RGPD3: variants seen among roughly 807,000 people sequenced by gnomAD.
The protein encoded by RGPD3 is RANBP2 like and GRIP domain containing 3.
A neutral mutation model predicts 154.5 loss-of-function variants in RGPD3; 62 were observed. The ratio of observed to expected loss-of-function variants is 0.40; its 90% CI spans 0.33 to 0.50. The LOEUF is 0.50. Ranked by LOEUF, RGPD3 falls within the 20% of genes least tolerant of loss-of-function variation. The pLI is 0.59. For synonymous variants in RGPD3, 308 were observed against 607.0 expected (o/e 0.51, Z 7.24); for missense variants, 919 against 1,716.8 (o/e 0.54, Z 8.21).
intron 1 of RGPD3, among the ~76,000 whole-genome samples, chr2:106,464,048 A>C (rs1405037124): frequency 1.8e-4 from 28 of 152,238 alleles, no homozygotes; most frequent in African/African-American, 6.3e-4. Context: ...TAGCCAGTAC[A>C]GAATGTCTAA....
chr2:106,409,867 TTTAC>T (rs1006756096), intron 22 of RGPD3, among the ~76,000 whole-genome samples: 6 of 138,656 alleles, frequency 4.3e-5, no homozygotes, highest in Admixed American at 7.4e-5. Context: ...TATCTTGTAG[TTTAC>T]TTTTTTTTTT....
intron 1 of RGPD3, among the ~76,000 whole-genome samples, chr2:106,462,576 T>C (rs1678434616): frequency 6.6e-6 from 1 of 152,044 alleles, no homozygotes; most frequent in Non-Finnish European, 1.5e-5. Flanking sequence ...AGTAAGACCC[T>C]AAGAGATGCC....
At chr2:106,454,899 C>T (rs1357392007) in intron 4 of RGPD3, among the ~76,000 whole-genome samples, 2 of 152,378 alleles carry the variant, frequency 1.3e-5, no homozygotes, top group Non-Finnish European at 2.9e-5. Flanking sequence ...TAATATTTAT[C>T]TTTGGAAGCA....
intron 7 of RGPD3, among the ~76,000 whole-genome samples, chr2:106,441,639 G>C (rs1336675320): frequency 6.6e-6 from 1 of 150,672 alleles, no homozygotes; most frequent in Non-Finnish European, 1.5e-5. Context: ...CTGATCACTT[G>C]AGGTCAGGAG....
At chr2:106,468,464 C>G (rs1678720777), upstream of RGPD3, 8 of 1,288,188 alleles carry the variant, frequency 6.2e-6, no homozygotes, top group Non-Finnish European at 8.4e-6. Flanking sequence ...GCGACTTCGG[C>G]GCTCGAGCTG....
In RGPD3 at chr2:106,415,885, C is replaced by G. The variant is rs1676813688; in HGVS notation, c.5029G>C (p.Glu1677Gln). 3.7e-6 allele frequency: 6 copies of G among 1,611,922 alleles called. No individual in the cohort carries two copies. In the East Asian group the frequency reaches 6.7e-5, roughly 18 times the overall value. ...TCCATAAGGACTGCATTGGTTGCCT[C>G]TATTTCCCGAAGCAGGCCGTTTAAG... ...DHLNGLLREI[E>Q]ATNAVLMEQI... Residue 1677 changes from glutamate to glutamine, a missense_variant, in exon 21 of 23, where the codon GAG becomes CAG. Transcript: ENST00000409886.
chr2:106,404,000 G>C lies in RGPD3; in HGVS notation c.*1219C>G, dbSNP rs1676438142. Among the ~76,000 whole-genome samples, 1 of 152,204 alleles carries C rather than the reference G, an allele frequency of 6.6e-6. No individual in the cohort carries two copies. ...TTTTGATTTAAGAACAACACAGTTT[G>C]GATCTAGTCATTAAAACATATGCAG... On this transcript the variant is annotated 3_prime_UTR_variant, in exon 23 of 23. Coordinates refer to ENST00000409886, the MANE Select transcript of RGPD3 (RefSeq NM_001144013.2).
chr2:106,440,438 T>A (rs893506908), intron 8 of RGPD3, among the ~76,000 whole-genome samples: 16 of 151,610 alleles, frequency 1.1e-4, no homozygotes, highest in Non-Finnish European at 2.2e-4. Context: ...TACAGGCAAT[T>A]TTTATCTAAC....
intron 6 of RGPD3, among the ~76,000 whole-genome samples, chr2:106,449,424 CTG>C (rs1161402350): frequency 1.6e-5 from 2 of 127,944 alleles, no homozygotes; most frequent in African/African-American, 6.1e-5. Context: ...CGAGATCACA[CTG>C]TTGCACTCTA....
In RGPD3 at chr2:106,415,961, A is replaced by G. The variant is rs9653483; in HGVS notation, c.4953T>C (p.Thr1651=). ...KEPPLWYAEF[T]KEELVQKLSS... ...TGAGCTTCTGAACCAATTCTTCTTT[A>G]GTAAATTCAGCATACCATAATGGAG... The change falls in exon 21 of 23, where the codon ACT becomes ACC. Residue 1651 remains threonine, a synonymous_variant. Transcript: ENST00000409886. 344,976 of 1,554,344 alleles carry G rather than the reference A, an allele frequency of 0.22. 46,743 individuals are homozygous for G. The highest frequency in any genetic ancestry group is 0.58 in the East Asian group (25,753 of 44,292).
intron 6 of RGPD3, among the ~76,000 whole-genome samples, chr2:106,448,036 A>G (rs1164406717): frequency 6.6e-6 from 1 of 151,064 alleles, no homozygotes; most frequent in Non-Finnish European, 1.5e-5. Flanking sequence ...TAAATAATTG[A>G]CAGGTATTTG....
intron 20 of RGPD3, among the ~76,000 whole-genome samples, chr2:106,420,753 A>T (rs1448066691): frequency 6.6e-6 from 1 of 152,264 alleles, no homozygotes; most frequent in East Asian, 1.9e-4. Context: ...ATTCTTTTTA[A>T]TATGGCTACT....
At chr2:106,414,881 G>A (rs1005483146) in intron 21 of RGPD3, among the ~76,000 whole-genome samples, 1 of 151,912 alleles carries the variant, frequency 6.6e-6, no homozygotes, top group Non-Finnish European at 1.5e-5. Context: ...GCAAAGTACA[G>A]GGGAAAAGCA....
Position 106,468,235 on chromosome 2 carries a change from G to A in RGPD3, c.54C>T (p.Ser18=), listed in dbSNP as rs763577535. The A allele has an allele frequency of 4.4e-6, 7 of 1,607,154 alleles. No homozygotes were observed. Among genetic ancestry groups the A allele is most frequent in the East Asian group, 2.2e-5 (1 of 44,674 alleles). The change falls in exon 1 of 23, where the codon TCC becomes TCT. Residue 18 remains serine, a synonymous_variant. Coordinates refer to ENST00000409886, the MANE Select transcript of RGPD3 (RefSeq NM_001144013.2). ...CACTCACCTTTCGAGGCGACGGGGCGGAGCCCTGCACCGAGGCGACGTACC... is the reference window on the plus strand; with the variant it reads ...CACTCACCTTTCGAGGCGACGGGGCAGAGCCCTGCACCGAGGCGACGTACC... ...GERYVASVQG[S]APSPRKKSTR... is the part of the protein sequence containing the mutation.
At chr2:106,415,309 C>G (rs1558834726) in intron 21 of RGPD3, among the ~76,000 whole-genome samples, 1 of 151,556 alleles carries the variant, frequency 6.6e-6, no homozygotes, top group Non-Finnish European at 1.5e-5. Flanking sequence ...GTGAACATCT[C>G]TCTAGTTTCT....
chr2:106,421,655 T>A (rs1573249577), intron 20 of RGPD3, among the ~76,000 whole-genome samples: 4 of 152,238 alleles, frequency 2.6e-5, no homozygotes, highest in East Asian at 3.9e-4. Context: ...ATGCTGGCTG[T>A]TAAAAACGGG....
At chr2:106,464,194 A>C (rs1386542400) in intron 1 of RGPD3, among the ~76,000 whole-genome samples, 2 of 151,970 alleles carry the variant, frequency 1.3e-5, no homozygotes, top group African/African-American at 4.8e-5. Context: ...AAACACTAAA[A>C]AATTAGCCGG....
At chr2:106,441,593 G>C (rs1223197276) in intron 7 of RGPD3, among the ~76,000 whole-genome samples, 6 of 151,520 alleles carry the variant, frequency 4.0e-5, no homozygotes, top group Admixed American at 1.3e-4. Context: ...GCTCACACCT[G>C]TAATCCCAAC....
chr2:106,470,261 A>G (rs748870248), upstream of RGPD3, among the ~76,000 whole-genome samples: 4 of 152,274 alleles, frequency 2.6e-5, no homozygotes, highest in African/African-American at 9.6e-5. Flanking sequence ...CCTTATGACT[A>G]GGAGATGAAG....
Sources: allele counts gnomAD v4.1 joint callset (sites outside exome capture counted in the v4.1 genomes callset), GRCh38; gene constraint gnomAD v4.1.1; transcripts MANE v1.5; gene names NCBI Gene and HGNC (gene_info 2026-07-23, HGNC 2026-07-21).